Variants in KDM8 observed in about 807,000 individuals in gnomAD.
The protein encoded by KDM8 is lysine demethylase 8, also known as bifunctional peptidase and arginyl-hydroxylase JMJD5.
A neutral mutation model predicts 46.9 loss-of-function variants in KDM8; 35 were observed. The observed-to-expected ratio is 0.75, with a 90% CI of 0.57 to 0.99. The LOEUF is 0.99. Ranked by LOEUF, KDM8 falls within the 50% of genes least tolerant of loss-of-function variation. The pLI is 0.00. For synonymous variants in KDM8, 232 were observed against 227.7 expected, an observed-to-expected ratio of 1.02 and a Z score of -0.17; for missense variants, 475 against 537.0, an observed-to-expected ratio of 0.88 and a Z score of 1.14.
At chr16:27,215,052 G>C in intron 4 of KDM8, 44 bp downstream of exon 4, 2 of 1,608,262 alleles carry the variant, frequency 1.2e-6, no homozygotes, top group South Asian at 1.1e-5. Context: ...GCAAGGCAGA[G>C]AGCATAGTAC....
chr16:27,213,390 A>T, intron 2 of KDM8, 195 bp from the exon 3 acceptor site: 1 of 524,416 alleles, frequency 1.9e-6, no homozygotes, highest in Non-Finnish European at 3.3e-6. Context: ...TGAAATGGTT[A>T]AGAAAAAAAC....
At position 27,220,446 on chromosome 16, in the gene KDM8, G is replaced by T; in HGVS notation, c.1047G>T (p.Leu349=). ...RLYSPQESGA[L]YPHDTHLLHN... ...ATTCCCCGCAGGAGTCAGGGGCTCTGTACCCTCATGACACGCACCTTCTCC... is the reference window on the plus strand; with the variant it reads ...ATTCCCCGCAGGAGTCAGGGGCTCTTTACCCTCATGACACGCACCTTCTCC... The change falls in exon 7 of 8, where the codon CTG becomes CTT. Residue 349 remains leucine (L), a synonymous_variant. Transcript: ENST00000286096. 1 of 1,614,152 alleles carries T rather than the reference G, an allele frequency of 6.2e-7. No individual in the cohort carries two copies. Among genetic ancestry groups the T allele is most frequent in the Non-Finnish European group, 8.5e-7 (1 of 1,180,026 alleles).
At chr16:27,206,120 G>A (rs892543356) in intron 1 of KDM8, 9 of 478,232 alleles carry the variant, frequency 1.9e-5, no homozygotes, top group Non-Finnish European at 2.5e-5. Context: ...CTTTTATGTA[G>A]AGCTCTCGAA....
At chr16:27,210,802 G>A (rs372609130) in intron 2 of KDM8, among the ~76,000 whole-genome samples, 181 bp downstream of exon 2, 3 of 152,158 alleles carry the variant, frequency 2.0e-5, no homozygotes, top group East Asian at 3.9e-4. Flanking sequence ...CCGTTCTGTC[G>A]CCCAGGCTGG....
At chr16:27,207,332 C>G (rs1032018052) in intron 1 of KDM8, among the ~76,000 whole-genome samples, 1 of 152,202 alleles carries the variant, frequency 6.6e-6, no homozygotes, top group African/African-American at 2.4e-5. Context: ...TCACTTGAAC[C>G]TGGGAGGTGG....
chr16:27,217,628 T>C (rs1179202858), intron 5 of KDM8, among the ~76,000 whole-genome samples: 1 of 152,234 alleles, frequency 6.6e-6, no homozygotes, highest in African/African-American at 2.4e-5. Context: ...TGAATAGCAG[T>C]GTCTGGGACC....
At chr16:27,213,447 A>G (rs1291068437) in intron 2 of KDM8, 138 bp from the exon 3 acceptor site, 7 of 811,788 alleles carry the variant, frequency 8.6e-6, no homozygotes, top group Non-Finnish European at 1.4e-5. Context: ...CAGTAATAAT[A>G]ACAAACGTTG....
rs750075700 is a variant in KDM8 at position 27,210,473 on chromosome 16, C to T, written c.350C>T (p.Ala117Val). ...CQAPEDANTVAAALRVCDMGL... is the reference protein window; with the variant it reads ...CQAPEDANTVVAALRVCDMGL... ...GCACCTGAGGATGCCAACACTGTGGCCGCAGCCCTGCGGGTCTGTGACATG... is the reference window on the plus strand; with the variant it reads ...GCACCTGAGGATGCCAACACTGTGGTCGCAGCCCTGCGGGTCTGTGACATG... Residue 117 changes from alanine (A) to valine (V), a missense_variant, in exon 2 of 8, where the codon GCC (alanine) becomes GTC (valine). By Grantham distance (64) the Ala-to-Val change is moderately conservative. Transcript: ENST00000286096. 3 of 1,587,498 alleles carry T rather than the reference C, an allele frequency of 1.9e-6. No homozygotes were observed.
Position 27,213,699 on chromosome 16 carries a change from C to T in KDM8, c.613C>T (p.Pro205Ser), listed in dbSNP as rs765009180. The stretch of plus-strand genomic sequence containing the variant: ...GGAGCAGTTTTTGGTTCCAGGGAGG[C>T]CCGTGATCCTGAAAGGCGTGGCTGA... ...FREQFLVPGR[P>S]VILKGVADHW... is the part of the protein sequence containing the mutation. The change falls in exon 3 of 8, where the codon CCC becomes TCC. Residue 205 changes from proline (P) to serine (S), a missense_variant. Coordinates refer to ENST00000286096, the MANE Select transcript of KDM8 (RefSeq NM_024773.3). 2.5e-6 allele frequency: 4 copies of T among 1,614,068 alleles called. No individual in the cohort carries two copies. In the South Asian group the frequency reaches 4.4e-5, roughly 18 times the overall value.
intron 1 of KDM8, 89 bp downstream of exon 1, chr16:27,203,725 A>G (rs1040289946): frequency 8.7e-6 from 2 of 231,080 alleles, no homozygotes; most frequent in Admixed American, 1.1e-4. Flanking sequence ...CGCAGGCGTC[A>G]TGTGAAGCAG....
chr16:27,220,829 T>G lies in KDM8; in HGVS notation c.*99T>G. The G allele has an allele frequency of 6.3e-6, 9 of 1,438,924 alleles. No homozygotes were observed. The highest frequency in any genetic ancestry group is 2.3e-5 in the East Asian group (1 of 43,952). The allele number at this position is 1,438,924 out of a possible 1,614,324, so 89.1% of individuals were successfully genotyped here. A position where few individuals can be genotyped will look rare whatever the true frequency, so the allele number is the denominator to read the frequency against. ...CTATAGAGACAAGCAGGACTGAACC[T>G]GTGTCCTGAAGAGCCTTCACTGCCC... On this transcript the variant is annotated 3_prime_UTR_variant, in exon 8 of 8. Coordinates refer to ENST00000286096, the MANE Select transcript of KDM8 (RefSeq NM_024773.3).
chr16:27,213,639 C>T lies in KDM8; in HGVS notation c.553C>T (p.Pro185Ser), dbSNP rs1567264196. The T allele has an allele frequency of 6.2e-7, 1 of 1,614,110 alleles. No individual in the cohort carries two copies. The highest frequency in any genetic ancestry group is 8.5e-7 in the Non-Finnish European group (1 of 1,180,014). ...IPDVKLEKTVPRLHRPSLQHF... is the reference protein window; with the variant it reads ...IPDVKLEKTVSRLHRPSLQHF... Reference sequence around the variant, plus strand: ...AGATGTGAAGTTAGAAAAAACAGTCCCCCGGCTGCACCGTCCGTCCCTCCA... The same window carrying T: ...AGATGTGAAGTTAGAAAAAACAGTCTCCCGGCTGCACCGTCCGTCCCTCCA... Residue 185 changes from proline to serine, a missense_variant, in exon 3 of 8, where the codon CCC (proline) becomes TCC (serine). By Grantham distance (74) the Pro-to-Ser change is moderately conservative. Coordinates refer to ENST00000286096, the MANE Select transcript of KDM8 (RefSeq NM_024773.3).
chr16:27,211,498 C>T lies in KDM8; in HGVS notation c.498+877C>T, dbSNP rs531696906. 211 of 226,270 alleles carry T rather than the reference C, an allele frequency of 9.3e-4. 3 individuals carry two copies. The highest frequency in any genetic ancestry group is 3.9e-3 in the African/African-American group (171 of 43,886). 14.0% of individuals were successfully genotyped at this position (226,270 alleles called of 1,614,324 possible). The stretch of plus-strand genomic sequence containing the variant: ...CACACAGGCCTCACTTGCAACACAC[C>T]CAAGCAAGTCACTTAACCTCCTTTG... On this transcript the variant is annotated intron_variant, in intron 2 of 7. Transcript: ENST00000286096.
intron 2 of KDM8, 27 bp from the exon 3 acceptor site, chr16:27,213,558 A>G (rs1158273087): frequency 6.2e-7 from 1 of 1,610,534 alleles, no homozygotes; most frequent in South Asian, 1.1e-5. Context: ...GGTGGTTGCT[A>G]TTTTGTTCTG....
chr16:27,220,875 G>T lies in KDM8; in HGVS notation c.*145G>T. On this transcript the variant is annotated 3_prime_UTR_variant, in exon 8 of 8. Transcript: ENST00000286096. ...TGCCCAGTGGCAGCCCTGGGGGGCT[G>T]AGCTCCAGCACTGGACAGGCACAGA... 1.0e-6 allele frequency: 1 copy of T among 963,676 alleles called. No homozygotes were observed. The highest frequency in any genetic ancestry group is 2.7e-4 in the Middle Eastern group (1 of 3,662). The allele number at this position is 963,676 out of a possible 1,614,324, so 59.7% of individuals were successfully genotyped here.
intron 2 of KDM8, 45 bp downstream of exon 2, chr16:27,210,666 C>T: frequency 1.3e-6 from 2 of 1,481,840 alleles, no homozygotes; most frequent in Non-Finnish European, 1.8e-6. Context: ...CATCCAGCAA[C>T]CCTGTTGTTC....
In KDM8 at chr16:27,214,932, C is replaced by A. The variant is rs369087750; in HGVS notation, c.722C>A (p.Ser241Ter). The A allele has an allele frequency of 6.2e-7, 1 of 1,614,098 alleles. No individual in the cohort carries two copies. The highest frequency in any genetic ancestry group is 8.5e-7 in the Non-Finnish European group (1 of 1,179,984). Residue 241 changes from serine (S) to a stop codon, truncating the protein, a stop_gained, in exon 4 of 8, where the codon TCG becomes TAG. Transcript: ENST00000286096. LOFTEE classifies it high-confidence loss of function. The part of the protein sequence containing the change: ...GCRTVPVEVG[S>*]RYTDEEWSQT... ...CGAACTGTCCCAGTGGAAGTTGGTT[C>A]GAGGTACACAGATGAGGAATGGTCC...
In KDM8 at chr16:27,220,485, G is replaced by C. The variant is rs1438745299; in HGVS notation, c.1086G>C (p.Gln362His). 1 of 1,614,168 alleles carries C rather than the reference G, an allele frequency of 6.2e-7. No individual in the cohort carries two copies. Among genetic ancestry groups the C allele is most frequent in the South Asian group, 1.1e-5 (1 of 91,088 alleles). Reference protein sequence around the residue: ...HDTHLLHNTSQVDVENPDLEK... With the variant: ...HDTHLLHNTSHVDVENPDLEK... ...CGCACCTTCTCCATAACACGAGCCA[G>C]GTGGGCACTGGGGGTCTGGGGTGAC... Residue 362 changes from glutamine (Q) to histidine (H), a missense_variant and splice_region_variant, in exon 7 of 8, where the codon CAG becomes CAC. Gln to His is a conservative substitution (Grantham distance 24). Coordinates refer to ENST00000286096, the MANE Select transcript of KDM8 (RefSeq NM_024773.3).
At chr16:27,218,039 T>C (rs1219463130) in intron 5 of KDM8, among the ~76,000 whole-genome samples, 2 of 151,910 alleles carry the variant, frequency 1.3e-5, no homozygotes, top group African/African-American at 4.8e-5. Context: ...CAGGGCCATG[T>C]GCAGTGGCTC....
Sources: gnomAD v4.1 joint callset for allele counts (sites outside exome capture counted in the v4.1 genomes callset) on GRCh38, gnomAD v4.1.1 for gene constraint, MANE v1.5 for transcripts, NCBI Gene and HGNC (gene_info 2026-07-23, HGNC 2026-07-21) for gene names.